The following FOXK2 variants were observed in gnomAD, a reference collection of about 807,000 sequenced individuals.
The protein encoded by FOXK2 is forkhead box protein K2.
FOXK2 carries 24 observed loss-of-function variants against 53.3 expected under a neutral mutation model. The observed-to-expected ratio is 0.45, with a 90% CI of 0.33 to 0.63. The LOEUF is 0.63. Ranked by LOEUF, FOXK2 falls within the 30% of genes least tolerant of loss-of-function variation. FOXK2 has a pLI of 0.03. For synonymous variants in FOXK2, 505 were observed against 407.1 expected (o/e 1.24, Z -2.89); for missense variants, 952 against 910.5 (o/e 1.05, Z -0.59).
chr17:82,587,679 C>CA, intron 8 of FOXK2: 1 of 294,418 alleles, frequency 3.4e-6, no homozygotes, highest in Non-Finnish European at 6.7e-6. Context: ...GCTTTGCTCT[C>CA]AGAGTCCGTC....
At chr17:82,580,060 C>T (rs1391362665) in intron 4 of FOXK2, among the ~76,000 whole-genome samples, 1 of 118,510 alleles carries the variant, frequency 8.4e-6, no homozygotes, top group East Asian at 2.7e-4. Context: ...GGCCCAGATC[C>T]CTCCCACACA....
chr17:82,520,369 CG>C, intron 1 of FOXK2, 62 bp downstream of exon 1: 1 of 1,199,940 alleles, frequency 8.3e-7, no homozygotes, highest in South Asian at 4.0e-5. Flanking sequence ...CAGGACGGGA[CG>C]GGACACGCGC....
chr17:82,590,366 T>G (rs1598236449), intron 8 of FOXK2, among the ~76,000 whole-genome samples: 2 of 152,160 alleles, frequency 1.3e-5, no homozygotes, highest in African/African-American at 2.4e-5. Flanking sequence ...ATGTTGCCCA[T>G]GCTGGTCTCA....
chr17:82,535,564 T>G (rs2044511811), intron 1 of FOXK2, among the ~76,000 whole-genome samples: 1 of 152,162 alleles, frequency 6.6e-6, no homozygotes, highest in South Asian at 2.1e-4. Flanking sequence ...TCAAGTTTCC[T>G]GATTCTTCTT....
At chr17:82,546,054 C>T (rs1262726036) in intron 1 of FOXK2, among the ~76,000 whole-genome samples, 1 of 151,460 alleles carries the variant, frequency 6.6e-6, no homozygotes, top group African/African-American at 2.4e-5. Context: ...TTTGCATTTC[C>T]CTAATGACTA....
intron 4 of FOXK2, among the ~76,000 whole-genome samples, chr17:82,577,561 C>T (rs910363564): frequency 5.2e-4 from 79 of 152,212 alleles, no homozygotes; most frequent in African/African-American, 1.8e-3. Context: ...CCGCCGGGCC[C>T]TCTGTGCATA....
chr17:82,578,832 A>G (rs1007380610), intron 4 of FOXK2, among the ~76,000 whole-genome samples: 2 of 152,186 alleles, frequency 1.3e-5, no homozygotes, highest in African/African-American at 4.8e-5. Flanking sequence ...GTGGTGACGC[A>G]GGGGCAGGGC....
chr17:82,601,536 G>T lies in FOXK2; in HGVS notation c.*37G>T. On this transcript the variant is annotated 3_prime_UTR_variant, in exon 9 of 9. Coordinates refer to ENST00000335255, the MANE Select transcript of FOXK2 (RefSeq NM_004514.4). ...GCTTTTCTTTAACGATATCAACTCT[G>T]TGGTGCCAAAAGGAGACGCGGCCTC... The T allele has an allele frequency of 6.4e-7, 1 of 1,563,038 alleles. No individual in the cohort carries two copies.
intron 1 of FOXK2, among the ~76,000 whole-genome samples, chr17:82,548,487 C>T (rs1479792030): frequency 6.6e-6 from 1 of 152,028 alleles, no homozygotes; most frequent in Non-Finnish European, 1.5e-5. Context: ...GGTTGTTTAC[C>T]TTCTTACTGA....
intron 1 of FOXK2, among the ~76,000 whole-genome samples, chr17:82,548,310 A>AT (rs1170937618): frequency 1.4e-4 from 22 of 152,138 alleles, no homozygotes; most frequent in African/African-American, 5.3e-4. Context: ...CAGTCTTCTT[A>AT]TATTAGCCAT....
At chr17:82,530,383 G>A (rs148240143) in intron 1 of FOXK2, among the ~76,000 whole-genome samples, 6,403 of 147,488 alleles carry the variant, frequency 0.043, 201 homozygotes, top group Middle Eastern at 0.093. Flanking sequence ...CCAGCTACTC[G>A]GGAGGCTAAG....
intron 1 of FOXK2, among the ~76,000 whole-genome samples, chr17:82,529,983 T>C (rs1331746068): frequency 6.6e-6 from 1 of 152,216 alleles, no homozygotes; most frequent in Non-Finnish European, 1.5e-5. Context: ...TTATCTTTAG[T>C]GGGAAAAAAG....
chr17:82,558,851 A>T (rs1057379998), intron 1 of FOXK2, among the ~76,000 whole-genome samples: 40 of 151,770 alleles, frequency 2.6e-4, no homozygotes, highest in African/African-American at 9.7e-4. Flanking sequence ...GGTTCATGCC[A>T]TTCTCCTGCC....
chr17:82,566,799 A>T (rs1355512771), intron 2 of FOXK2, among the ~76,000 whole-genome samples: 1 of 152,094 alleles, frequency 6.6e-6, no homozygotes, highest in Non-Finnish European at 1.5e-5. Flanking sequence ...TGTCAGGGGG[A>T]ACCCAGGTCC....
chr17:82,563,454 G>A lies in FOXK2; in HGVS notation c.520G>A (p.Ala174Thr). 1 of 1,614,126 alleles carries A rather than the reference G, an allele frequency of 6.2e-7. No individual in the cohort carries two copies. Residue 174 changes from alanine to threonine, a missense_variant, in exon 2 of 9, where the codon GCC becomes ACC. Transcript: ENST00000335255. ...GGAGGCGTCTGAGTCTCCAGTGAAG[G>A]CCGTACAGCCACACATCTCGCCCCT... ...KQEASESPVK[A>T]VQPHISPLTI...
intron 8 of FOXK2, among the ~76,000 whole-genome samples, chr17:82,598,679 A>G (rs2045345015): frequency 6.6e-6 from 1 of 152,266 alleles, no homozygotes; most frequent in Non-Finnish European, 1.5e-5. Context: ...TAGTGAGGGC[A>G]AAGCCTTCAT....
chr17:82,584,252 C>G, intron 6 of FOXK2, 64 bp downstream of exon 6: 1 of 1,462,214 alleles, frequency 6.8e-7, no homozygotes, highest in South Asian at 1.4e-5. Flanking sequence ...CGCCTGGGCT[C>G]CACAGAGAAG....
chr17:82,550,298 A>T (rs552485110), intron 1 of FOXK2, among the ~76,000 whole-genome samples: 1 of 152,274 alleles, frequency 6.6e-6, no homozygotes, highest in East Asian at 1.9e-4. Flanking sequence ...CTTTCCCAGG[A>T]ATACGTGTCT....
intron 1 of FOXK2, among the ~76,000 whole-genome samples, chr17:82,562,412 C>T (rs1410291611): frequency 6.6e-6 from 1 of 152,158 alleles, no homozygotes; most frequent in Non-Finnish European, 1.5e-5. Context: ...GAAACCCCGT[C>T]TCTGCTAAAA....
Sources: allele counts gnomAD v4.1 joint callset (sites outside exome capture counted in the v4.1 genomes callset), GRCh38; gene constraint gnomAD v4.1.1; transcripts MANE v1.5; gene names NCBI Gene and HGNC (gene_info 2026-07-23, HGNC 2026-07-21).